The following ADAMTS20 variants were observed in gnomAD, a reference collection of about 807,000 sequenced individuals.
The protein encoded by ADAMTS20 is A disintegrin and metalloproteinase with thrombospondin motifs 20.
ADAMTS20 carries 225 observed loss-of-function variants against 260.1 expected under a neutral mutation model. The observed-to-expected ratio is 0.87, with a 90% CI of 0.78 to 0.97. The LOEUF is 0.97. Among genes scored for constraint, ADAMTS20 ranks in the 50% least tolerant of loss-of-function variants. ADAMTS20 has a pLI of 0.00. For missense variants in ADAMTS20, 2,400 were observed against 2,337.7 expected, an observed-to-expected ratio of 1.03 and a Z score of -0.55; for synonymous variants, 802 against 769.5, an observed-to-expected ratio of 1.04 and a Z score of -0.70.
intron 5 of ADAMTS20, among the ~76,000 whole-genome samples, 199 bp from the exon 6 acceptor site, chr12:43,492,828 G>T (rs1248015409): frequency 6.6e-6 from 1 of 151,830 alleles, no homozygotes; most frequent in African/African-American, 2.4e-5. Flanking sequence ...AATCTAATTA[G>T]ATCTTCTTAA....
At chr12:43,441,078 C>CA (rs77066845) in intron 16 of ADAMTS20, among the ~76,000 whole-genome samples, 28,376 of 140,084 alleles carry the variant, frequency 0.2, 3,120 homozygotes, top group Middle Eastern at 0.31. Context: ...AAAAAAAAAA[C>CA]AAAAAAAAAA....
chr12:43,542,908 C>T (rs1379431721), intron 2 of ADAMTS20, among the ~76,000 whole-genome samples: 2 of 152,126 alleles, frequency 1.3e-5, no homozygotes, highest in Non-Finnish European at 2.9e-5. Flanking sequence ...ACAACATCCT[C>T]CTGAGACCCC....
chr12:43,375,598 C>T (rs1565670767), intron 35 of ADAMTS20, 86 bp from the exon 36 acceptor site: 3 of 1,392,874 alleles, frequency 2.2e-6, no homozygotes, highest in Non-Finnish European at 3.0e-6. Context: ...AAATAAAACA[C>T]ACTCCTGCTC....
intron 3 of ADAMTS20, among the ~76,000 whole-genome samples, chr12:43,508,578 G>T (rs1357867367): frequency 1.3e-5 from 2 of 151,150 alleles, no homozygotes; most frequent in African/African-American, 4.9e-5. Flanking sequence ...TGGGGACCTG[G>T]TTCAGAGTGT....
intron 14 of ADAMTS20, among the ~76,000 whole-genome samples, chr12:43,447,341 T>C (rs1038775128): frequency 1.3e-5 from 2 of 152,128 alleles, no homozygotes; most frequent in Admixed American, 6.6e-5. Context: ...GTTCAACATA[T>C]GCAAATCAAC....
At chr12:43,536,863 G>T (rs911702087) in intron 2 of ADAMTS20, among the ~76,000 whole-genome samples, 7 of 152,062 alleles carry the variant, frequency 4.6e-5, no homozygotes, top group African/African-American at 1.7e-4. Flanking sequence ...TTAAAACTTT[G>T]CACTTTTCCA....
At chr12:43,529,743 A>G (rs1159844866) in intron 3 of ADAMTS20, among the ~76,000 whole-genome samples, 2 of 152,132 alleles carry the variant, frequency 1.3e-5, no homozygotes, top group African/African-American at 4.8e-5. Context: ...AAAATATCAG[A>G]ATTCACCACT....
intron 37 of ADAMTS20, among the ~76,000 whole-genome samples, chr12:43,363,552 G>A (rs1939920562): frequency 6.6e-6 from 1 of 152,206 alleles, no homozygotes; most frequent in African/African-American, 2.4e-5. Context: ...ATGGGCCACT[G>A]TCCCTGTCCC....
At chr12:43,522,526 C>T (rs973117745) in intron 3 of ADAMTS20, among the ~76,000 whole-genome samples, 7 of 152,178 alleles carry the variant, frequency 4.6e-5, no homozygotes, top group African/African-American at 7.2e-5. Flanking sequence ...GAGTGGGTGA[C>T]AGAGGAAGTG....
In ADAMTS20 at chr12:43,506,158, C is replaced by CAACAA. The variant is rs138056848; in HGVS notation, c.614-3754_614-3753insTTGTT. ...ACAAAAACAACAACAACAACAACAACAAAGGAAGGACATGCTGTGACATAT... is the reference window on the plus strand; with the variant it reads ...ACAAAAACAACAACAACAACAACAACAACAAAAAGGAAGGACATGCTGTGACATAT... On this transcript the variant is annotated intron_variant, in intron 3 of 38. Coordinates refer to ENST00000389420, the MANE Select transcript of ADAMTS20 (RefSeq NM_025003.5). Among the ~76,000 whole-genome samples, 75 of 151,398 alleles carry CAACAA rather than the reference C, an allele frequency of 5.0e-4. 1 individual carries two copies. The highest frequency in any genetic ancestry group is 2.2e-3 in the East Asian group (11 of 5,090).
intron 28 of ADAMTS20, chr12:43,422,934 G>C (rs1046803886): frequency 3.9e-5 from 6 of 151,964 alleles, no homozygotes; most frequent in African/African-American, 7.2e-5. Flanking sequence ...ATATAGTATA[G>C]ATACATTTAC....
At chr12:43,373,978 C>A (rs905178697) in intron 36 of ADAMTS20, among the ~76,000 whole-genome samples, 5 of 150,930 alleles carry the variant, frequency 3.3e-5, no homozygotes, top group Non-Finnish European at 7.4e-5. Context: ...CGCGCCCGGC[C>A]GAAATATCAT....
At chr12:43,545,731 A>G (rs1943433571) in intron 2 of ADAMTS20, among the ~76,000 whole-genome samples, 1 of 152,002 alleles carries the variant, frequency 6.6e-6, no homozygotes, top group Admixed American at 6.6e-5. Context: ...CCTTGCTTGG[A>G]CTGCCCAGCA....
At chr12:43,466,956 T>C (rs1167703020) in intron 8 of ADAMTS20, among the ~76,000 whole-genome samples, 161 bp from the exon 9 acceptor site, 1 of 152,040 alleles carries the variant, frequency 6.6e-6, no homozygotes, top group African/African-American at 2.4e-5. Flanking sequence ...ACAGTGTTCA[T>C]GTTTAGAAGT....
intron 2 of ADAMTS20, among the ~76,000 whole-genome samples, chr12:43,539,637 TA>T (rs1321513876): frequency 1.3e-5 from 2 of 152,178 alleles, no homozygotes; most frequent in Non-Finnish European, 2.9e-5. Flanking sequence ...CCTAGAAAAC[TA>T]ATTTTACCCA....
In ADAMTS20 at chr12:43,454,047, G is replaced by T. The variant is rs761290264; in HGVS notation, c.1620C>A (p.Cys540Ter). 2 of 1,609,600 alleles carry T rather than the reference G, an allele frequency of 1.2e-6. No homozygotes were observed. The highest frequency in any genetic ancestry group is 1.7e-6 in the Non-Finnish European group (2 of 1,178,602). Residue 540 changes from cysteine to a stop codon, truncating the protein, a stop_gained, in exon 12 of 39, where the codon TGC becomes TGA. Transcript: ENST00000389420. LOFTEE classifies it high-confidence loss of function. The part of the protein sequence containing the change: ...DGTDCGPGMH[C>*]RHGLCVNKET... ...CTTTGTTTACACATAGCCCATGACG[G>T]CAATGCTATAAAAATAATAAGCACA...
intron 8 of ADAMTS20, among the ~76,000 whole-genome samples, chr12:43,467,666 C>T (rs1942179322): frequency 6.6e-6 from 1 of 152,048 alleles, no homozygotes; most frequent in Non-Finnish European, 1.5e-5. Context: ...CTACTGTCCT[C>T]AGATATTCTG....
chr12:43,428,855 C>T lies in ADAMTS20; in HGVS notation c.3490-56G>A, dbSNP rs1305344917. 3.5e-6 allele frequency: 5 copies of T among 1,442,410 alleles called. No homozygotes were observed. In the African/African-American group the frequency reaches 7.2e-5, roughly 21 times the overall value. The allele number at this position is 1,442,410 out of a possible 1,614,324, so 89.4% of individuals were successfully genotyped here. ...TTATACAGTAGTACCTCACCCATGT[C>T]CCTTTTACATAGCTGTTACTCACAT... On this transcript the variant is annotated intron_variant, in intron 24 of 38. Coordinates refer to ENST00000389420, the MANE Select transcript of ADAMTS20 (RefSeq NM_025003.5).
intron 27 of ADAMTS20, among the ~76,000 whole-genome samples, chr12:43,426,571 G>A (rs901190984): frequency 2.6e-5 from 4 of 152,312 alleles, no homozygotes; most frequent in African/African-American, 9.6e-5. Context: ...TATTAAAAGT[G>A]ACTTTAAAAA....
Sources: allele counts gnomAD v4.1 joint callset (sites outside exome capture counted in the v4.1 genomes callset), GRCh38; gene constraint gnomAD v4.1.1; transcripts MANE v1.5; gene names NCBI Gene and HGNC (gene_info 2026-07-23, HGNC 2026-07-21).